Variants in KIAA1217 observed in about 807,000 individuals in gnomAD.
The protein encoded by KIAA1217 is KIAA1217, also known as sickle tail protein homolog.
Under a neutral mutation model 163.9 loss-of-function variants are expected in KIAA1217, and 88 were observed. That is an observed-to-expected ratio of 0.54 (90% CI 0.45 to 0.64). The LOEUF (loss-of-function observed/expected upper bound fraction) is 0.64, where lower values mean the gene tolerates loss of function less well. KIAA1217 is among the 30% of genes least tolerant of loss of function. KIAA1217 has a pLI of 0.00. For missense variants in KIAA1217, 2,372 were observed against 2,475.0 expected (o/e 0.96, Z 0.88); for synonymous variants, 903 against 923.1 (o/e 0.98, Z 0.39).
At chr10:23,777,126 G>T (rs958005512) in intron 1 of KIAA1217, among the ~76,000 whole-genome samples, 2 of 152,210 alleles carry the variant, frequency 1.3e-5, no homozygotes, top group Non-Finnish European at 2.9e-5. Flanking sequence ...TCAGTGAAAA[G>T]CTGGGAATAG....
intron 2 of KIAA1217, among the ~76,000 whole-genome samples, chr10:24,350,440 C>G (rs562934711): frequency 6.6e-6 from 1 of 152,240 alleles, no homozygotes; most frequent in East Asian, 1.9e-4. Context: ...TTATTGTGTT[C>G]TAGTTCTCAG....
At chr10:23,986,708 C>A (rs946305438) in intron 1 of KIAA1217, among the ~76,000 whole-genome samples, 2 of 152,126 alleles carry the variant, frequency 1.3e-5, no homozygotes, top group Non-Finnish European at 2.9e-5. Context: ...TTTCTTTCTG[C>A]AACAAAATTA....
At chr10:24,225,702 A>G (rs1307602880) in intron 2 of KIAA1217, among the ~76,000 whole-genome samples, 1 of 152,230 alleles carries the variant, frequency 6.6e-6, no homozygotes, top group Admixed American at 6.5e-5. Flanking sequence ...TCCAGCCCAG[A>G]TGGCATGCCT....
At chr10:23,867,659 G>A (rs551054265) in intron 1 of KIAA1217, among the ~76,000 whole-genome samples, 1 of 152,154 alleles carries the variant, frequency 6.6e-6, no homozygotes, top group Non-Finnish European at 1.5e-5. Context: ...CTTTTGAGAA[G>A]TGTCTGTTCA....
At chr10:24,267,472 A>G (rs1314496726) in intron 2 of KIAA1217, among the ~76,000 whole-genome samples, 1 of 152,194 alleles carries the variant, frequency 6.6e-6, no homozygotes, top group Non-Finnish European at 1.5e-5. Flanking sequence ...ATAACTATAT[A>G]TCTACATCTA....
At chr10:23,894,351 C>A (rs1162915114) in intron 1 of KIAA1217, among the ~76,000 whole-genome samples, 1 of 151,822 alleles carries the variant, frequency 6.6e-6, no homozygotes, top group East Asian at 1.9e-4. Context: ...CAGCAACAGA[C>A]AAACAGAGAG....
At chr10:23,814,082 G>T (rs1837204895) in intron 1 of KIAA1217, among the ~76,000 whole-genome samples, 1 of 152,108 alleles carries the variant, frequency 6.6e-6, no homozygotes, top group Non-Finnish European at 1.5e-5. Context: ...ACAATTACCA[G>T]GTCATTAGCA....
intron 2 of KIAA1217, among the ~76,000 whole-genome samples, chr10:24,338,307 G>A (rs976538290): frequency 6.6e-6 from 1 of 152,136 alleles, no homozygotes; most frequent in Non-Finnish European, 1.5e-5. Context: ...TGCATCCTCT[G>A]GTGTCTGAAG....
At chr10:24,123,706 C>T (rs1020115016) in intron 2 of KIAA1217, among the ~76,000 whole-genome samples, 2 of 152,052 alleles carry the variant, frequency 1.3e-5, no homozygotes, top group East Asian at 1.9e-4. Flanking sequence ...TGTGGAGACT[C>T]GAAAATGGTA....
At chr10:24,420,447 C>A (rs946934072) in intron 3 of KIAA1217, among the ~76,000 whole-genome samples, 4 of 151,952 alleles carry the variant, frequency 2.6e-5, no homozygotes, top group Non-Finnish European at 5.9e-5. Context: ...TTGTAAATAT[C>A]TTCTCTCTGT....
intron 1 of KIAA1217, among the ~76,000 whole-genome samples, chr10:23,790,455 G>C (rs189391356): frequency 1.1e-5 from 1 of 90,840 alleles, no homozygotes; most frequent in Non-Finnish European, 1.9e-5. Flanking sequence ...ATATATACAT[G>C]TGCATATATA....
At chr10:24,042,845 CA>C (rs570093561) in intron 2 of KIAA1217, among the ~76,000 whole-genome samples, 6 of 151,470 alleles carry the variant, frequency 4.0e-5, no homozygotes, top group Admixed American at 2.0e-4. Flanking sequence ...TGAATAGAAA[CA>C]AAAAAAAGAA....
chr10:24,333,992 T>A (rs1179719104), intron 2 of KIAA1217, among the ~76,000 whole-genome samples: 1 of 152,168 alleles, frequency 6.6e-6, no homozygotes, highest in East Asian at 1.9e-4. Flanking sequence ...TACATCAACT[T>A]GGAATAGATT....
intron 1 of KIAA1217, among the ~76,000 whole-genome samples, chr10:23,877,804 T>C (rs1588999222): frequency 6.6e-6 from 1 of 152,112 alleles, no homozygotes; most frequent in Non-Finnish European, 1.5e-5. Flanking sequence ...TGTTTTGTCA[T>C]ATACCAAATG....
chr10:24,164,652 T>C (rs1036118788), intron 2 of KIAA1217, among the ~76,000 whole-genome samples: 36 of 152,200 alleles, frequency 2.4e-4, no homozygotes, highest in Non-Finnish European at 1.2e-4. Flanking sequence ...GAATATTAAA[T>C]GGACCTATTT....
chr10:23,829,422 G>A (rs1224757990), intron 1 of KIAA1217, among the ~76,000 whole-genome samples: 2 of 152,052 alleles, frequency 1.3e-5, no homozygotes, highest in African/African-American at 4.8e-5. Flanking sequence ...ACACTGCTTT[G>A]GTGAAAACTT....
At position 24,002,290 on chromosome 10, in the gene KIAA1217, T is replaced by C. The variant is rs114875566; in HGVS notation, c.-320-4935T>C. ...GTCACTTGTGGTTCTTTCCAATTCA[T>C]TCTTAGTCTCCTCTCTCCACAGAGC... On this transcript the variant is annotated intron_variant, in intron 1 of 18. Coordinates refer to the KIAA1217 transcript ENST00000376462. 5.2e-3 allele frequency among the ~76,000 whole-genome samples: 797 copies of C among 152,300 alleles called. 14 individuals carry two copies. The highest frequency in any genetic ancestry group is 0.018 in the African/African-American group (761 of 41,578).
chr10:23,798,199 T>A (rs1176601458), intron 1 of KIAA1217, among the ~76,000 whole-genome samples: 1 of 152,184 alleles, frequency 6.6e-6, no homozygotes, highest in East Asian at 1.9e-4. Context: ...CATTTTGCAT[T>A]CTATGGGTGA....
intron 2 of KIAA1217, among the ~76,000 whole-genome samples, chr10:24,168,009 C>G (rs1333447393): frequency 6.6e-6 from 1 of 152,096 alleles, no homozygotes; most frequent in Admixed American, 6.6e-5. Context: ...TCATGAGGCC[C>G]CACCACCCAA....
Sources: gnomAD v4.1 joint callset for allele counts (sites outside exome capture counted in the v4.1 genomes callset) on GRCh38, gnomAD v4.1.1 for gene constraint, MANE v1.5 for transcripts, NCBI Gene and HGNC (gene_info 2026-07-23, HGNC 2026-07-21) for gene names.